Variants in TYK2 observed in about 807,000 individuals in gnomAD.
The protein encoded by TYK2 is tyrosine kinase 2.
TYK2 carries 65 observed loss-of-function variants against 130.9 expected under a neutral mutation model. That is an observed-to-expected ratio of 0.50 (90% CI 0.41 to 0.61). The LOEUF (loss-of-function observed/expected upper bound fraction) is 0.61, where lower values mean the gene tolerates loss of function less well. Among genes scored for constraint, TYK2 ranks in the 20% least tolerant of loss-of-function variants. The pLI, the probability that TYK2 is intolerant of heterozygous loss-of-function variation, is 0.00. For synonymous variants in TYK2, 647 were observed against 658.9 expected (o/e 0.98, Z 0.28); for missense variants, 1,378 against 1,610.7 (o/e 0.86, Z 2.47).
chr19:10,370,397 C>T (rs114268653), intron 3 of TYK2, among the ~76,000 whole-genome samples: 6,686 of 151,352 alleles, frequency 0.044, 203 homozygotes, highest in Middle Eastern at 0.1. Context: ...ACCTTTAGTC[C>T]CAGCTACTCC....
intron 24 of TYK2, 35 bp from the exon 25 acceptor site, chr19:10,351,003 C>A (rs775262433): frequency 6.2e-7 from 1 of 1,614,042 alleles, no homozygotes; most frequent in African/African-American, 1.3e-5. Context: ...GGGGGCTGCC[C>A]TCTCCACAGC....
Position 10,372,484 on chromosome 19 carries a change from A to ATATTT in TYK2, c.194-4067_194-4066insAAATA, listed in dbSNP as rs1390400916. ...TATATATATATATATATATATATAT[A>ATATTT]TTTTTTTTTTTTTTTTTTTTTTTGA... is the stretch of plus-strand genomic sequence containing the variant. On this transcript the variant is annotated intron_variant, in intron 3 of 24. Coordinates refer to ENST00000525621, the MANE Select transcript of TYK2 (RefSeq NM_003331.5). Among the ~76,000 whole-genome samples the ATATTT allele has an allele frequency of 2.1e-3, 78 of 37,418 alleles. 1 individual carries two copies. The highest frequency in any genetic ancestry group is 2.5e-3 in the Non-Finnish European group (55 of 22,296). The allele number at this position is 37,418 out of a possible 152,430, so 24.5% of individuals were successfully genotyped here. A position where few individuals can be genotyped will look rare whatever the true frequency, so the allele number is the denominator to read the frequency against.
At chr19:10,372,157 AT>A (rs1459698429) in intron 3 of TYK2, among the ~76,000 whole-genome samples, 3 of 150,530 alleles carry the variant, frequency 2.0e-5, no homozygotes, top group East Asian at 2.0e-4. Context: ...TGCCCAGCTA[AT>A]TTTTTTGTAT....
At chr19:10,366,669 C>CTG in intron 5 of TYK2, 89 bp from the exon 6 acceptor site, 5 of 1,444,682 alleles carry the variant, frequency 3.5e-6, no homozygotes, top group Non-Finnish European at 4.9e-6. Flanking sequence ...TACCCTGGAC[C>CTG]ACACTGGAAG....
Position 10,359,179 on chromosome 19 carries a change from T to C in TYK2, c.2171A>G (p.Tyr724Cys), listed in dbSNP as rs549371062. The C allele has an allele frequency of 1.9e-6, 3 of 1,602,544 alleles. No individual in the cohort carries two copies. Among genetic ancestry groups the C allele is most frequent in the Non-Finnish European group, 2.5e-6 (3 of 1,179,834 alleles). The change falls in exon 15 of 25, where the codon TAC becomes TGC. Residue 724 changes from tyrosine (Y) to cysteine (C), a missense_variant. Transcript: ENST00000525621. Reference protein sequence around the residue: ...VAQQLASALSYLENKNLVHGN... With the variant: ...VAQQLASALSCLENKNLVHGN... ...CCCCACACACAGGCCACACACCAGG[T>C]AGCTGAGGGCGCTGGCCAGCTGCTG...
Position 10,378,268 on chromosome 19 carries a change from T to C in TYK2, c.139A>G (p.Ser47Gly). The C allele has an allele frequency of 6.2e-7, 1 of 1,612,916 alleles. No homozygotes were observed. The highest frequency in any genetic ancestry group is 1.7e-4 in the Middle Eastern group (1 of 6,058). Residue 47 changes from serine to glycine, a missense_variant, in exon 3 of 25, where the codon AGT (serine) becomes GGT (glycine). Transcript: ENST00000525621. Reference sequence around the variant, plus strand: ...TCCTCAGCTGTCAGCGATGACTCACTGAAAGTGACCCAGGGCTCCCCGCCG... The same window carrying C: ...TCCTCAGCTGTCAGCGATGACTCACCGAAAGTGACCCAGGGCTCCCCGCCG... Reference protein sequence around the residue: ...PGGGEPWVTFSESSLTAEEVC... With the variant: ...PGGGEPWVTFGESSLTAEEVC...
intron 6 of TYK2, 41 bp from the exon 7 acceptor site, chr19:10,365,939 T>C (rs1376757190): frequency 6.4e-7 from 1 of 1,559,562 alleles, no homozygotes; most frequent in Admixed American, 1.9e-5. Context: ...GGGACCTGGG[T>C]TGCAGGCCCA....
chr19:10,377,616 ATGGG>A (rs1568346636), intron 3 of TYK2, among the ~76,000 whole-genome samples: 34 of 5,756 alleles, frequency 5.9e-3, no homozygotes, highest in Non-Finnish European at 6.0e-3. Context: ...GGGTGGATGG[ATGGG>A]TGGATGGGTG....
At chr19:10,370,873 C>T (rs1262501329) in intron 3 of TYK2, among the ~76,000 whole-genome samples, 2 of 151,880 alleles carry the variant, frequency 1.3e-5, no homozygotes, top group Admixed American at 6.6e-5. Flanking sequence ...TATGGTGGCT[C>T]ACATCTGTAA....
In TYK2 at chr19:10,361,909, C is replaced by T. The variant is rs759137101; in HGVS notation, c.1820G>A (p.Arg607His). The part of the protein sequence containing the change: ...QGTRTNVYEG[R>H]LRVEGSGDPE... Reference sequence around the variant, plus strand: ...GTCCCCGCTGCCCTCCACTCGCAGGCGGCCCTCATACACGTTGGTCCTTGT... The same window carrying T: ...GTCCCCGCTGCCCTCCACTCGCAGGTGGCCCTCATACACGTTGGTCCTTGT... Residue 607 changes from arginine (R) to histidine (H), a missense_variant, in exon 13 of 25, where the codon CGC (arginine) becomes CAC (histidine). Physicochemically the swap from Arg to His is conservative, Grantham distance 29. Coordinates refer to ENST00000525621, the MANE Select transcript of TYK2 (RefSeq NM_003331.5). This position sits in a 1 kb window ranked among gnomAD's most constrained non-coding sequence, Gnocchi z 4.0. The T allele has an allele frequency of 1.8e-5, 29 of 1,613,956 alleles. No homozygotes were observed. The East Asian group carries it at 2.9e-4, about 16-fold the overall frequency.
intron 3 of TYK2, chr19:10,369,887 A>C: frequency 2.9e-6 from 1 of 345,336 alleles, no homozygotes; most frequent in Non-Finnish European, 5.7e-6. Flanking sequence ...ACTAAAAAAT[A>C]CAAAAAATTA....
At position 10,378,364 on chromosome 19, in the gene TYK2, C is replaced by A. The variant is rs374780145; in HGVS notation, c.43G>T (p.Val15Phe). ...GCCATGGGCTGGGCTCCATCCCCAA[C>A]GGGCTTACTGCCCCTGGCCATCCCC... is the stretch of plus-strand genomic sequence containing the variant. ...HWGMARGSKP[V>F]GDGAQPMAAM... Residue 15 changes from valine to phenylalanine, a missense_variant, in exon 3 of 25, where the codon GTT becomes TTT. Val to Phe is a conservative substitution (Grantham distance 50). Transcript: ENST00000525621. 1.9e-6 allele frequency: 3 copies of A among 1,612,162 alleles called. No homozygotes were observed. The highest frequency in any genetic ancestry group is 1.3e-5 in the African/African-American group (1 of 74,912).
rs1357949814 is a variant in TYK2, at chr19:10,368,190, C to A, written c.330G>T (p.Arg110=). The A allele has an allele frequency of 3.1e-6, 5 of 1,614,070 alleles. No individual in the cohort carries two copies. The highest frequency in any genetic ancestry group is 4.2e-6 in the Non-Finnish European group (5 of 1,180,020). ...CCCGAGGATTCATGCCATGCCAGTTCCGGAAATAAAACCTGCAGGAAGGAG... is the reference window on the plus strand; with the variant it reads ...CCCGAGGATTCATGCCATGCCAGTTACGGAAATAAAACCTGCAGGAAGGAG... ...MLYFRIRFYF[R]NWHGMNPREP... The change falls in exon 5 of 25, where the codon CGG becomes CGT. Residue 110 remains arginine (R), a synonymous_variant. Transcript: ENST00000525621.
chr19:10,365,577 C>G lies in TYK2; in HGVS notation c.951G>C (p.Leu317=), dbSNP rs2041621604. ...ACTGGATGCCACCAGTGCCTGTCAC[C>G]AGCACCTCGTGGGTTGGGGGCCCAG... The part of the protein sequence containing the change: ...SAAGPPTHEV[L]VTGTGGIQWW... The change falls in exon 7 of 25, where the codon CTG becomes CTC. Residue 317 remains leucine (L), a synonymous_variant. Coordinates refer to ENST00000525621, the MANE Select transcript of TYK2 (RefSeq NM_003331.5). The G allele has an allele frequency of 5.0e-6, 8 of 1,614,024 alleles. No individual in the cohort carries two copies. The highest frequency in any genetic ancestry group is 6.8e-6 in the Non-Finnish European group (8 of 1,180,032).
chr19:10,366,376 TC>T, intron 6 of TYK2, 40 bp downstream of exon 6: 2 of 1,592,822 alleles, frequency 1.3e-6, no homozygotes, highest in South Asian at 1.1e-5. Context: ...TCAGGACATT[TC>T]CCCCTGCCTA....
chr19:10,353,490 A>T lies in TYK2; in HGVS notation c.3027+38T>A. On this transcript the variant is annotated intron_variant, in intron 21 of 24. Coordinates refer to ENST00000525621, the MANE Select transcript of TYK2 (RefSeq NM_003331.5). The surrounding 1 kb of genome is among the most constrained non-coding windows in gnomAD (Gnocchi z 6.9). ...TCAGGCCAGCCCAAGCTGAAGAGGA[A>T]GGGGCAAGCTCCAGAAGCAGGGGCG... 7.1e-7 allele frequency: 1 copy of T among 1,409,732 alleles called. No homozygotes were observed. The highest frequency in any genetic ancestry group is 9.5e-7 in the Non-Finnish European group (1 of 1,054,100). 87.3% of individuals were successfully genotyped at this position (1,409,732 alleles called of 1,614,324 possible).
At chr19:10,354,745 G>A in intron 18 of TYK2, 136 bp from the exon 19 acceptor site, 3 of 725,464 alleles carry the variant, frequency 4.1e-6, no homozygotes, top group Non-Finnish European at 7.4e-6. Context: ...TGCAACAGCT[G>A]AAAGAGTCCA....
In TYK2 at chr19:10,362,673, G is replaced by C. The variant is rs1168686193; in HGVS notation, c.1368-16C>G. The C allele has an allele frequency of 6.4e-7, 1 of 1,550,466 alleles. No homozygotes were observed. The highest frequency in any genetic ancestry group is 1.2e-5 in the South Asian group (1 of 83,998). On this transcript the variant is annotated splice_polypyrimidine_tract_variant and intron_variant, in intron 9 of 24. Coordinates refer to ENST00000525621, the MANE Select transcript of TYK2 (RefSeq NM_003331.5). Reference sequence around the variant, plus strand: ...AAATGGCTCCCTGGAAGGTGGTCCAGGGGGACTATCAGGCCACCTGGGGCC... The same window carrying C: ...AAATGGCTCCCTGGAAGGTGGTCCACGGGGACTATCAGGCCACCTGGGGCC...
At chr19:10,362,779 C>T in intron 9 of TYK2, 122 bp from the exon 10 acceptor site, 1 of 836,928 alleles carries the variant, frequency 1.2e-6, no homozygotes. Flanking sequence ...GTGTCAGACA[C>T]AGCCACTCTT....
Sources: allele counts gnomAD v4.1 joint callset (sites outside exome capture counted in the v4.1 genomes callset), GRCh38; gene constraint gnomAD v4.1.1; non-coding constraint Gnocchi (gnomAD v3.1); transcripts MANE v1.5; gene names NCBI Gene and HGNC (gene_info 2026-07-23, HGNC 2026-07-21).